Variants in L3MBTL4 observed in about 807,000 individuals in gnomAD.
L3MBTL4 encodes the protein lethal(3)malignant brain tumor-like protein 4.
In L3MBTL4, 70 loss-of-function variants were observed where a neutral mutation model predicts 84.5. The ratio of observed to expected loss-of-function variants is 0.83; its 90% CI spans 0.68 to 1.01. L3MBTL4 has a LOEUF of 1.01. L3MBTL4 is among the 50% of genes least tolerant of loss of function. The pLI is 0.00. For synonymous variants in L3MBTL4, 274 were observed against 259.8 expected (o/e 1.05, Z -0.52); for missense variants, 715 against 754.8 (o/e 0.95, Z 0.62).
At chr18:5,965,901 T>C (rs1238564424) in intron 17 of L3MBTL4, among the ~76,000 whole-genome samples, 10 of 152,184 alleles carry the variant, frequency 6.6e-5, no homozygotes. Context: ...GACAAGGTTA[T>C]GGAAGCAACA....
At chr18:6,010,024 G>A (rs889793057) in intron 16 of L3MBTL4, among the ~76,000 whole-genome samples, 1 of 52,614 alleles carries the variant, frequency 1.9e-5, no homozygotes, top group African/African-American at 7.6e-5. Context: ...TCCATCACCA[G>A]TCTTTTTTGG....
At chr18:6,019,374 T>C (rs1459687302) in intron 16 of L3MBTL4, among the ~76,000 whole-genome samples, 2 of 152,204 alleles carry the variant, frequency 1.3e-5, no homozygotes, top group African/African-American at 4.8e-5. Context: ...CATTAGAGTT[T>C]AATGGAGGCA....
At chr18:6,292,124 T>C (rs2049893677) in intron 4 of L3MBTL4, among the ~76,000 whole-genome samples, 1 of 152,192 alleles carries the variant, frequency 6.6e-6, no homozygotes, top group Admixed American at 6.5e-5. Flanking sequence ...TCACATGTGC[T>C]ACAAACTACG....
chr18:6,109,150 T>C (rs2059109668), intron 14 of L3MBTL4, among the ~76,000 whole-genome samples: 1 of 152,190 alleles, frequency 6.6e-6, no homozygotes, highest in African/African-American at 2.4e-5. Flanking sequence ...TTTGGTTTTA[T>C]AACATGCAGT....
Position 5,956,134 on chromosome 18 carries a change from G to GGGAC in L3MBTL4, c.*82_*85dup, listed in dbSNP as rs2095225300. The stretch of plus-strand genomic sequence containing the variant: ...CAGATTCAGTGTGGATACGGCCATG[G>GGGAC]GGACATTCACATCAAATTAATGTGC... On this transcript the variant is annotated 3_prime_UTR_variant, in exon 19 of 19. Transcript: ENST00000317931. 1 of 1,109,380 alleles carries GGGAC rather than the reference G, an allele frequency of 9.0e-7. No homozygotes were observed. The highest frequency in any genetic ancestry group is 1.3e-6 in the Non-Finnish European group (1 of 751,546). 68.7% of individuals were successfully genotyped at this position (1,109,380 alleles called of 1,614,324 possible).
At chr18:6,252,148 C>T (rs1813924175) in intron 5 of L3MBTL4, among the ~76,000 whole-genome samples, 1 of 152,098 alleles carries the variant, frequency 6.6e-6, no homozygotes, top group Admixed American at 6.5e-5. Flanking sequence ...CCCGTCTCTA[C>T]TAAAAATACA....
At chr18:6,204,421 G>T (rs1447022052) in intron 12 of L3MBTL4, among the ~76,000 whole-genome samples, 1 of 152,186 alleles carries the variant, frequency 6.6e-6, no homozygotes, top group Admixed American at 6.5e-5. Context: ...CAGCAGCCGT[G>T]TAACTCCCCA....
At chr18:6,295,220 C>G (rs552500827) in intron 4 of L3MBTL4, among the ~76,000 whole-genome samples, 1 of 150,730 alleles carries the variant, frequency 6.6e-6, no homozygotes, top group Non-Finnish European at 1.5e-5. Flanking sequence ...TGCAATGAGC[C>G]GGGATAGTGC....
At chr18:6,287,019 C>T (rs2049624404) in intron 4 of L3MBTL4, among the ~76,000 whole-genome samples, 1 of 152,092 alleles carries the variant, frequency 6.6e-6, no homozygotes, top group South Asian at 2.1e-4. Context: ...GCTTATGGTC[C>T]TTCTTGGTAA....
chr18:5,996,923 C>T (rs1024081193), intron 16 of L3MBTL4, among the ~76,000 whole-genome samples: 1 of 152,080 alleles, frequency 6.6e-6, no homozygotes, highest in Non-Finnish European at 1.5e-5. Context: ...TTTTCCCTCC[C>T]GATCCAGTTC....
At chr18:6,359,481 ACT>A (rs2053586364) in intron 1 of L3MBTL4, among the ~76,000 whole-genome samples, 1 of 152,150 alleles carries the variant, frequency 6.6e-6, no homozygotes, top group African/African-American at 2.4e-5. Context: ...TCAAACAATT[ACT>A]TAGTATAATC....
intron 14 of L3MBTL4, among the ~76,000 whole-genome samples, chr18:6,119,892 A>G (rs2059473353): frequency 6.6e-6 from 1 of 152,250 alleles, no homozygotes; most frequent in Admixed American, 6.5e-5. Flanking sequence ...CTAAGCATAA[A>G]GGAAGCAAAA....
chr18:6,261,777 G>C (rs1417985593), intron 5 of L3MBTL4, among the ~76,000 whole-genome samples: 1 of 152,088 alleles, frequency 6.6e-6, no homozygotes, highest in African/African-American at 2.4e-5. Flanking sequence ...CTGGCTGATG[G>C]GGCTTAAAGG....
chr18:5,983,651 GC>G (rs1269353439), intron 16 of L3MBTL4, among the ~76,000 whole-genome samples: 1 of 151,876 alleles, frequency 6.6e-6, no homozygotes, highest in African/African-American at 2.4e-5. Context: ...CCTCTAATAA[GC>G]CATTTGAAAG....
intron 1 of L3MBTL4, among the ~76,000 whole-genome samples, chr18:6,408,825 G>A (rs923888887): frequency 6.6e-6 from 1 of 151,912 alleles, no homozygotes; most frequent in Non-Finnish European, 1.5e-5. Flanking sequence ...GGGATCATAG[G>A]CATGCCACAC....
intron 14 of L3MBTL4, among the ~76,000 whole-genome samples, chr18:6,104,254 G>A (rs147933668): frequency 3.9e-5 from 6 of 151,992 alleles, no homozygotes; most frequent in East Asian, 1.9e-4. Flanking sequence ...AAATGAGCAC[G>A]TCAAAGAGAT....
At chr18:6,384,254 A>T (rs2054720864) in intron 1 of L3MBTL4, among the ~76,000 whole-genome samples, 1 of 152,272 alleles carries the variant, frequency 6.6e-6, no homozygotes, top group Non-Finnish European at 1.5e-5. Flanking sequence ...GCCTAAGAGG[A>T]TTATGCACAC....
At position 6,084,454 on chromosome 18, in the gene L3MBTL4, C is replaced by T. The variant is rs745818282; in HGVS notation, c.1374-3503G>A. On this transcript the variant is annotated intron_variant, in intron 15 of 18. Coordinates refer to ENST00000317931, the MANE Select transcript of L3MBTL4 (RefSeq NM_001330559.2). ...ATGGTCCATAAGTTCAAAAAACACACGGAATGTGATTGTCTTATCTGGGAA... is the reference window on the plus strand; with the variant it reads ...ATGGTCCATAAGTTCAAAAAACACATGGAATGTGATTGTCTTATCTGGGAA... 1.4e-4 allele frequency among the ~76,000 whole-genome samples: 21 copies of T among 152,204 alleles called. No homozygotes were observed. The East Asian group carries it at 1.5e-3, about 11-fold the overall frequency.
At chr18:6,361,358 T>G (rs183218880) in intron 1 of L3MBTL4, among the ~76,000 whole-genome samples, 4 of 152,270 alleles carry the variant, frequency 2.6e-5, no homozygotes, top group African/African-American at 9.6e-5. Flanking sequence ...GGAACTGCTG[T>G]GTCTCCCCAC....
Sources: allele counts gnomAD v4.1 joint callset (sites outside exome capture counted in the v4.1 genomes callset), GRCh38; gene constraint gnomAD v4.1.1; transcripts MANE v1.5; gene names NCBI Gene and HGNC (gene_info 2026-07-23, HGNC 2026-07-21).